Variants in NRCAM observed in about 807,000 individuals in gnomAD.
The protein encoded by NRCAM is neuronal cell adhesion molecule, also known as NgCAM-related cell adhesion molecule.
NRCAM carries 83 observed loss-of-function variants against 156.5 expected under a neutral mutation model. The ratio of observed to expected loss-of-function variants is 0.53; its 90% CI spans 0.44 to 0.64. The LOEUF is 0.64. NRCAM is among the 30% of genes least tolerant of loss of function. NRCAM has a pLI of 0.00. For synonymous variants in NRCAM, 538 were observed against 563.9 expected (o/e 0.95, Z 0.65); for missense variants, 1,417 against 1,597.3 (o/e 0.89, Z 1.92).
At chr7:108,310,496 G>A (rs1349933914) in intron 3 of NRCAM, among the ~76,000 whole-genome samples, 1 of 152,156 alleles carries the variant, frequency 6.6e-6, no homozygotes. Context: ...ATGTGGGATG[G>A]GCCTGAGAGT....
chr7:108,444,361 G>A (rs955364719), intron 1 of NRCAM, among the ~76,000 whole-genome samples: 3 of 146,418 alleles, frequency 2.0e-5, no homozygotes, highest in African/African-American at 7.6e-5. Context: ...GTATGGGAAA[G>A]CTGTATTCTC....
chr7:108,217,346 G>A (rs953589025), intron 11 of NRCAM, among the ~76,000 whole-genome samples: 8 of 152,194 alleles, frequency 5.3e-5, no homozygotes, highest in Non-Finnish European at 8.8e-5. Flanking sequence ...CCTGTATGAG[G>A]TGTCTGTCGA....
At chr7:108,262,585 A>G (rs531938235) in intron 3 of NRCAM, among the ~76,000 whole-genome samples, 12 of 152,204 alleles carry the variant, frequency 7.9e-5, no homozygotes, top group Admixed American at 6.5e-4. Flanking sequence ...ACAAATCCTT[A>G]TAAGTCTTGA....
At chr7:108,277,489 C>T (rs2097682551) in intron 3 of NRCAM, among the ~76,000 whole-genome samples, 1 of 151,830 alleles carries the variant, frequency 6.6e-6, no homozygotes, top group Admixed American at 6.6e-5. Context: ...TTAATTTGGT[C>T]TTCAATCACT....
intron 20 of NRCAM, among the ~76,000 whole-genome samples, chr7:108,189,200 G>A (rs1052480951): frequency 6.6e-6 from 1 of 152,118 alleles, no homozygotes; most frequent in Non-Finnish European, 1.5e-5. Context: ...TGTTATCTAC[G>A]CCCAGTTCTG....
At chr7:108,274,551 GGT>G (rs2097519986) in intron 3 of NRCAM, among the ~76,000 whole-genome samples, 1 of 152,110 alleles carries the variant, frequency 6.6e-6, no homozygotes, top group South Asian at 2.1e-4. Flanking sequence ...GTCTGTTATT[GGT>G]GTATAGGAAT....
intron 13 of NRCAM, among the ~76,000 whole-genome samples, chr7:108,199,024 A>C (rs1022241503): frequency 6.6e-6 from 1 of 152,212 alleles, no homozygotes; most frequent in Non-Finnish European, 1.5e-5. Flanking sequence ...ATTGCTTTAG[A>C]AGTACACTAA....
rs769241418 is a variant in NRCAM, at chr7:108,181,846, G to A, written c.2622C>T (p.Ile874=). The A allele has an allele frequency of 5.6e-6, 9 of 1,613,990 alleles. No individual in the cohort carries two copies. In the East Asian group the frequency reaches 1.6e-4, roughly 28 times the overall value. The change falls in exon 24 of 33, where the codon ATC becomes ATT. Residue 874 remains isoleucine, a synonymous_variant. Transcript: ENST00000379028. ...VHWDPVPLKS[I]RGHLQGYRIY... ...CCCGATAGCCTTGTAGGTGTCCTCG[G>A]ATGCTTTTCAGAGGTACTGGGTCCC... is the stretch of plus-strand genomic sequence containing the variant.
intron 3 of NRCAM, among the ~76,000 whole-genome samples, chr7:108,245,679 G>A (rs973719591): frequency 1.2e-4 from 19 of 152,166 alleles, no homozygotes; most frequent in African/African-American, 4.6e-4. Flanking sequence ...AGAGAGTTCA[G>A]GCATAAAGAA....
intron 2 of NRCAM, among the ~76,000 whole-genome samples, chr7:108,365,140 C>CAT (rs2099584210): frequency 6.6e-6 from 1 of 152,154 alleles, no homozygotes; most frequent in Non-Finnish European, 1.5e-5. Context: ...TAGCATTTAA[C>CAT]ATATATATAT....
chr7:108,232,106 A>G (rs2094409479), intron 7 of NRCAM, among the ~76,000 whole-genome samples: 1 of 152,078 alleles, frequency 6.6e-6, no homozygotes, highest in Admixed American at 6.6e-5. Flanking sequence ...AATGTCTTAC[A>G]CAGGACTTCT....
rs190357534 is a variant in NRCAM, at chr7:108,326,167, G to A, written c.-173-13436C>T. 1.2e-3 allele frequency among the ~76,000 whole-genome samples: 177 copies of A among 152,180 alleles called. 1 individual carries two copies. The highest frequency in any genetic ancestry group is 2.1e-3 in the Non-Finnish European group (143 of 67,988). ...AAAAATCTACGCATACACATGTTTT[G>A]TGTTCAATAAGACAAAGTTAATATA... On this transcript the variant is annotated intron_variant, in intron 2 of 32. Coordinates refer to ENST00000379028, the MANE Select transcript of NRCAM (RefSeq NM_001037132.4).
rs1356671306 is a variant in NRCAM, at chr7:108,167,193, AC to A, written c.3314-121del. On this transcript the variant is annotated intron_variant, in intron 29 of 32. Coordinates refer to ENST00000379028, the MANE Select transcript of NRCAM (RefSeq NM_001037132.4). ...GACAAGATGTAGGATGCTTAGGTTTACCATTTTAGATTATTATAAATGTAGT... is the reference window on the plus strand; with the variant it reads ...GACAAGATGTAGGATGCTTAGGTTTACATTTTAGATTATTATAAATGTAGT... 1.0e-5 allele frequency: 7 copies of A among 673,464 alleles called. No individual in the cohort carries two copies. The East Asian group carries it at 1.9e-4, about 18-fold the overall frequency. The allele number at this position is 673,464 out of a possible 1,614,324, so 41.7% of individuals were successfully genotyped here.
At chr7:108,344,951 G>T (rs2099338283) in intron 2 of NRCAM, among the ~76,000 whole-genome samples, 1 of 152,146 alleles carries the variant, frequency 6.6e-6, no homozygotes, top group South Asian at 2.1e-4. Flanking sequence ...GGAGGGAGAA[G>T]ATAAGAAGGA....
intron 1 of NRCAM, among the ~76,000 whole-genome samples, chr7:108,448,333 A>G (rs146240294): frequency 1.3e-5 from 2 of 152,352 alleles, no homozygotes; most frequent in African/African-American, 4.8e-5. Flanking sequence ...TGTCAATGTT[A>G]TTTCCCTAAA....
Position 108,163,861 on chromosome 7 carries a change from G to A in NRCAM, c.3466+3060C>T, listed in dbSNP as rs1208570308. On this transcript the variant is annotated intron_variant, in intron 30 of 32. Transcript: ENST00000379028. ...GGTGGCGGTAATGAGAGGTCATACT[G>A]GGTGGGGTGGCGGTAATGAGAGGTC... 4.7e-4 allele frequency among the ~76,000 whole-genome samples: 18 copies of A among 38,192 alleles called. 2 individuals carry two copies. The highest frequency in any genetic ancestry group is 5.3e-4 in the Non-Finnish European group (10 of 18,994). 25.1% of individuals were successfully genotyped at this position (38,192 alleles called of 152,430 possible). A position where few individuals can be genotyped will look rare whatever the true frequency, so the allele number is the denominator to read the frequency against.
At position 108,168,340 on chromosome 7, in the gene NRCAM, T is replaced by C; in HGVS notation, c.3250A>G (p.Ile1084Val). Reference protein sequence around the residue: ...TAAAAETYANISWEYEGPEHV... With the variant: ...TAAAAETYANVSWEYEGPEHV... ...TCTGGTCCCTCATATTCCCAACTGA[T>C]ATTGGCATAGGTCTCAGCAGCTGCA... The change falls in exon 29 of 33, where the codon ATC becomes GTC. Residue 1084 changes from isoleucine (I) to valine (V), a missense_variant. Transcript: ENST00000379028. The C allele has an allele frequency of 3.1e-6, 5 of 1,610,626 alleles. No homozygotes were observed. The South Asian group carries it at 4.4e-5, about 14-fold the overall frequency.
At chr7:108,210,500 C>G (rs2083582935) in intron 11 of NRCAM, among the ~76,000 whole-genome samples, 1 of 152,194 alleles carries the variant, frequency 6.6e-6, no homozygotes, top group South Asian at 2.1e-4. Flanking sequence ...CCCGCCTCAG[C>G]CTCCCAAAGT....
chr7:108,176,638 C>T (rs1413182883), intron 26 of NRCAM, 32 bp from the exon 27 acceptor site: 2 of 1,480,586 alleles, frequency 1.4e-6, no homozygotes, highest in Non-Finnish European at 1.9e-6. Context: ...CAAGTGCATT[C>T]TCCATTAACT....
Sources: gnomAD v4.1 joint callset for allele counts (sites outside exome capture counted in the v4.1 genomes callset) on GRCh38, gnomAD v4.1.1 for gene constraint, MANE v1.5 for transcripts, NCBI Gene and HGNC (gene_info 2026-07-23, HGNC 2026-07-21) for gene names.